The following VPS54 variants were observed in gnomAD, a reference collection of about 807,000 sequenced individuals.
VPS54 encodes VPS54 subunit of GARP complex.
VPS54 carries 45 observed loss-of-function variants against 121.5 expected under a neutral mutation model. That is an observed-to-expected ratio of 0.37 (90% CI 0.29 to 0.47). The LOEUF (loss-of-function observed/expected upper bound fraction) is 0.47, where lower values mean the gene tolerates loss of function less well. Ranked by LOEUF, VPS54 falls within the 20% of genes least tolerant of loss-of-function variation. The pLI is 0.99. For missense variants in VPS54, 1,090 were observed against 1,131.4 expected (o/e 0.96, Z 0.52); for synonymous variants, 371 against 385.8 (o/e 0.96, Z 0.45).
At chr2:63,946,720 A>T (rs1482406159) in intron 9 of VPS54, among the ~76,000 whole-genome samples, 1 of 152,132 alleles carries the variant, frequency 6.6e-6, no homozygotes, top group East Asian at 1.9e-4. Context: ...AAGATCAGGG[A>T]ATACTGAAAA....
chr2:63,907,257 G>A (rs1672940127), intron 20 of VPS54, among the ~76,000 whole-genome samples: 1 of 152,112 alleles, frequency 6.6e-6, no homozygotes, highest in Non-Finnish European at 1.5e-5. Context: ...AGTGGCTCAT[G>A]CCTGTAATCC....
At chr2:63,901,974 C>A (rs994167697) in intron 20 of VPS54, among the ~76,000 whole-genome samples, 11 of 152,128 alleles carry the variant, frequency 7.2e-5, no homozygotes, top group African/African-American at 2.7e-4. Flanking sequence ...GAGATCACAC[C>A]ATTGCACTCC....
At chr2:63,949,885 T>A (rs1675159260) in intron 7 of VPS54, among the ~76,000 whole-genome samples, 1 of 152,216 alleles carries the variant, frequency 6.6e-6, no homozygotes, top group Non-Finnish European at 1.5e-5. Flanking sequence ...AGAGTCCATG[T>A]CATAAAAGAA....
At chr2:63,980,880 T>C (rs925496408) in intron 3 of VPS54, among the ~76,000 whole-genome samples, 1 of 152,072 alleles carries the variant, frequency 6.6e-6, no homozygotes, top group African/African-American at 2.4e-5. Context: ...AATATGGCAA[T>C]ATATACACAC....
intron 20 of VPS54, among the ~76,000 whole-genome samples, chr2:63,907,518 C>CAAAAAAAAA (rs113824223): frequency 1.1e-5 from 1 of 89,504 alleles, no homozygotes; most frequent in Non-Finnish European, 2.2e-5. Flanking sequence ...AACTCCATCT[C>CAAAAAAAAA]AAAAAAAAAA....
In VPS54 at chr2:63,965,971, T is replaced by G. The variant is rs751465879; in HGVS notation, c.493-5A>C. On this transcript the variant is annotated splice_region_variant and splice_polypyrimidine_tract_variant and intron_variant, in intron 5 of 22. Transcript: ENST00000272322. ...AAAATCTGGTTTCATAAAAATCTATTAAAAAAATGCATTTCCCTCAATTAG... is the reference window on the plus strand; with the variant it reads ...AAAATCTGGTTTCATAAAAATCTATGAAAAAAATGCATTTCCCTCAATTAG... The G allele has an allele frequency of 1.9e-6, 3 of 1,601,052 alleles. No individual in the cohort carries two copies. The Middle Eastern group carries it at 5.2e-4, about 277-fold the overall frequency.
intron 1 of VPS54, among the ~76,000 whole-genome samples, chr2:64,005,092 T>C (rs940228326): frequency 3.0e-4 from 14 of 47,338 alleles, no homozygotes; most frequent in African/African-American, 1.3e-3. Context: ...ATTGCTTCTT[T>C]TTTTTTTTTT....
intron 3 of VPS54, among the ~76,000 whole-genome samples, chr2:63,980,468 T>G (rs1172752156): frequency 6.6e-6 from 1 of 152,162 alleles, no homozygotes; most frequent in Non-Finnish European, 1.5e-5. Flanking sequence ...AAGATTATCA[T>G]CTTGAAATTT....
At chr2:63,923,848 A>AT (rs1184449146) in intron 12 of VPS54, among the ~76,000 whole-genome samples, 1 of 152,236 alleles carries the variant, frequency 6.6e-6, no homozygotes, top group Non-Finnish European at 1.5e-5. Context: ...CGTCAGACGT[A>AT]TTTTTGCATG....
At chr2:63,907,243 A>G (rs1156372337) in intron 20 of VPS54, among the ~76,000 whole-genome samples, 1 of 152,142 alleles carries the variant, frequency 6.6e-6, no homozygotes, top group Non-Finnish European at 1.5e-5. Flanking sequence ...TCTTGGCCGG[A>G]CGCAGTGGCT....
At chr2:64,002,347 G>A (rs1677922186) in intron 1 of VPS54, among the ~76,000 whole-genome samples, 2 of 152,124 alleles carry the variant, frequency 1.3e-5, no homozygotes, top group Admixed American at 6.5e-5. Context: ...AAGTGCTTTT[G>A]GTGTGTAGTT....
At chr2:63,972,423 T>C (rs1559031347) in intron 3 of VPS54, among the ~76,000 whole-genome samples, 179 bp from the exon 4 acceptor site, 1 of 152,232 alleles carries the variant, frequency 6.6e-6, no homozygotes, top group Non-Finnish European at 1.5e-5. Context: ...CAAATACCTC[T>C]ATGAGATCTA....
At chr2:63,967,263 A>T (rs1559027548) in intron 5 of VPS54, among the ~76,000 whole-genome samples, 1 of 152,164 alleles carries the variant, frequency 6.6e-6, no homozygotes, top group Admixed American at 6.5e-5. Context: ...ACATGAGTAA[A>T]TTTTCTAATC....
chr2:63,955,649 CAAT>C (rs1334485783), intron 7 of VPS54, among the ~76,000 whole-genome samples: 1 of 151,918 alleles, frequency 6.6e-6, no homozygotes, highest in Non-Finnish European at 1.5e-5. Flanking sequence ...TAAAGAACCT[CAAT>C]ACTAACACCA....
At chr2:63,902,156 AG>A (rs1200074132) in intron 20 of VPS54, among the ~76,000 whole-genome samples, 10 of 152,226 alleles carry the variant, frequency 6.6e-5, no homozygotes, top group Admixed American at 6.5e-4. Flanking sequence ...GCTCTACCTA[AG>A]ATGGAGACCA....
At chr2:64,015,022 TACATA>T (rs1015147060) in intron 1 of VPS54, among the ~76,000 whole-genome samples, 19 of 152,106 alleles carry the variant, frequency 1.2e-4, no homozygotes, top group Admixed American at 3.9e-4. Flanking sequence ...CATACATACA[TACATA>T]ACATAAGTGT....
At chr2:63,906,419 T>C (rs1291319396) in intron 20 of VPS54, among the ~76,000 whole-genome samples, 2 of 152,188 alleles carry the variant, frequency 1.3e-5, no homozygotes, top group Non-Finnish European at 2.9e-5. Flanking sequence ...AAAGATACCA[T>C]GTACAATAGC....
chr2:63,929,386 G>T (rs1169937162), intron 12 of VPS54, among the ~76,000 whole-genome samples: 2 of 152,136 alleles, frequency 1.3e-5, no homozygotes, highest in Non-Finnish European at 1.5e-5. Flanking sequence ...CAACTACATG[G>T]AAACTGAACA....
At chr2:63,994,095 T>C (rs2104652544) in intron 1 of VPS54, among the ~76,000 whole-genome samples, 1 of 152,256 alleles carries the variant, frequency 6.6e-6, no homozygotes, top group Middle Eastern at 3.4e-3. Context: ...GCCAACTCCT[T>C]AGAAGCTGGC....
Sources: gnomAD v4.1 joint callset for allele counts (sites outside exome capture counted in the v4.1 genomes callset) on GRCh38, gnomAD v4.1.1 for gene constraint, MANE v1.5 for transcripts, NCBI Gene and HGNC (gene_info 2026-07-23, HGNC 2026-07-21) for gene names.